TTC3: variants seen among roughly 807,000 people sequenced by gnomAD.
TTC3 encodes E3 ubiquitin-protein ligase TTC3.
A neutral mutation model predicts 249.6 loss-of-function variants in TTC3; 180 were observed. That is an observed-to-expected ratio of 0.72 (90% CI 0.64 to 0.82). The LOEUF (loss-of-function observed/expected upper bound fraction) is 0.82. TTC3 is among the 40% of genes least tolerant of loss of function. TTC3 has a pLI of 0.00. For missense variants in TTC3, 2,061 were observed against 2,398.4 expected (o/e 0.86, Z 2.94); for synonymous variants, 717 against 805.0 (o/e 0.89, Z 1.85).
At chr21:37,109,604 C>T (rs1238659992) in intron 11 of TTC3, among the ~76,000 whole-genome samples, 2 of 152,254 alleles carry the variant, frequency 1.3e-5, no homozygotes, top group Non-Finnish European at 2.9e-5. Context: ...TCAAGGAGGC[C>T]TGCCTGCCTC....
At chr21:37,098,167 GCTA>G in intron 10 of TTC3, 1 of 390,286 alleles carries the variant, frequency 2.6e-6, no homozygotes. Flanking sequence ...TTAGGTTATT[GCTA>G]CTGGCTAGGT....
intron 1 of TTC3, among the ~76,000 whole-genome samples, chr21:37,073,748 C>G (rs1188339557): frequency 3.3e-5 from 5 of 152,138 alleles, no homozygotes; most frequent in African/African-American, 7.2e-5. Flanking sequence ...GTCGCCTCGT[C>G]GCCCCTTTTG....
At chr21:37,148,859 C>T (rs2079208328) in intron 23 of TTC3, among the ~76,000 whole-genome samples, 1 of 152,164 alleles carries the variant, frequency 6.6e-6, no homozygotes, top group Admixed American at 6.5e-5. Flanking sequence ...ACGGATCTCA[C>T]TGTGTTGCCC....
At position 37,142,326 on chromosome 21, in the gene TTC3, T is replaced by C. The variant is rs990188787; in HGVS notation, c.1772+1653T>C. On this transcript the variant is annotated intron_variant, in intron 20 of 45. Transcript: ENST00000355666. ...AAGTCAAATTGTCCCTGTTTGCAGA[T>C]GACATGATTGTATATCTAGAAAACC... Among the ~76,000 whole-genome samples, 38 of 152,206 alleles carry C rather than the reference T, an allele frequency of 2.5e-4. 1 individual carries two copies. The highest frequency in any genetic ancestry group is 6.5e-5 in the Admixed American group (1 of 15,282).
chr21:37,097,188 G>A (rs2074026224), intron 10 of TTC3, among the ~76,000 whole-genome samples: 1 of 152,040 alleles, frequency 6.6e-6, no homozygotes, highest in South Asian at 2.1e-4. Context: ...ATTAATTCCA[G>A]TTCCTTATAT....
At chr21:37,130,436 A>G (rs2077379407) in intron 16 of TTC3, among the ~76,000 whole-genome samples, 1 of 152,130 alleles carries the variant, frequency 6.6e-6, no homozygotes, top group Non-Finnish European at 1.5e-5. Context: ...CACTTTTCCA[A>G]CTGAACACTC....
intron 44 of TTC3, among the ~76,000 whole-genome samples, chr21:37,198,908 A>G (rs1167896964): frequency 1.3e-5 from 2 of 151,770 alleles, no homozygotes; most frequent in South Asian, 2.1e-4. Context: ...TACTGTGCCC[A>G]TCTTTTCTAG....
At chr21:37,152,304 T>C (rs1432420690) in intron 26 of TTC3, among the ~76,000 whole-genome samples, 3 of 152,080 alleles carry the variant, frequency 2.0e-5, no homozygotes, top group Admixed American at 6.5e-5. Flanking sequence ...ATTTATTGTA[T>C]ATAAAGTTAA....
At chr21:37,190,849 C>T (rs2083999780) in intron 39 of TTC3, among the ~76,000 whole-genome samples, 1 of 152,160 alleles carries the variant, frequency 6.6e-6, no homozygotes, top group Non-Finnish European at 1.5e-5. Flanking sequence ...TTATCTGTCA[C>T]TTTCAATAGA....
intron 21 of TTC3, among the ~76,000 whole-genome samples, chr21:37,144,906 A>G (rs903535370): frequency 1.3e-5 from 2 of 152,200 alleles, no homozygotes; most frequent in Non-Finnish European, 2.9e-5. Context: ...TTTACAGATG[A>G]GGAAGGTTAA....
chr21:37,200,674 A>G (rs776271604), intron 45 of TTC3, among the ~76,000 whole-genome samples: 16 of 152,214 alleles, frequency 1.1e-4, no homozygotes, highest in Non-Finnish European at 2.2e-4. Context: ...AGTGTAGTAT[A>G]TGAAGTCAGT....
chr21:37,188,381 A>T (rs2083553009), intron 38 of TTC3, 114 bp from the exon 39 acceptor site: 2 of 695,260 alleles, frequency 2.9e-6, no homozygotes, highest in Admixed American at 2.6e-5. Context: ...TGATTCTGTC[A>T]TGCTTCATTT....
At position 37,080,368 on chromosome 21, in the gene TTC3, ATTT is replaced by A. The variant is rs33918132; in HGVS notation, c.-11-6868_-11-6866del. Among the ~76,000 whole-genome samples the A allele has an allele frequency of 7.9e-4, 114 of 144,490 alleles. 1 individual carries two copies. The highest frequency in any genetic ancestry group is 1.5e-3 in the African/African-American group (60 of 39,398). 94.8% of individuals were successfully genotyped at this position (144,490 alleles called of 152,430 possible). A position where few individuals can be genotyped will look rare whatever the true frequency, so the allele number is the denominator to read the frequency against. On this transcript the variant is annotated intron_variant, in intron 1 of 45. Coordinates refer to ENST00000355666, the Ensembl canonical transcript of TTC3. ...CCAGAGAATATTTTATCTTTTTAGCATTTTTTTTTTTTTGCCCTTGCTTTATGG... is the reference window on the plus strand; with the variant it reads ...CCAGAGAATATTTTATCTTTTTAGCATTTTTTTTTTGCCCTTGCTTTATGG...
intron 22 of TTC3, 25 bp downstream of exon 22, chr21:37,147,628 C>T (rs776940920): frequency 1.9e-6 from 3 of 1,561,864 alleles, no homozygotes; most frequent in African/African-American, 1.4e-5. Context: ...TACAGTGGGA[C>T]ATTAACTTGC....
intron 16 of TTC3, among the ~76,000 whole-genome samples, chr21:37,129,599 A>T (rs2077307823): frequency 6.6e-6 from 1 of 152,182 alleles, no homozygotes; most frequent in African/African-American, 2.4e-5. Context: ...AAACATCCCC[A>T]TGAAAATTAA....
chr21:37,073,415 C>T (rs1290541261), intron 1 of TTC3: 3 of 986,606 alleles, frequency 3.0e-6, no homozygotes, highest in Admixed American at 1.2e-4. Flanking sequence ...TCACCTTGTC[C>T]CGCTGCAGCC....
At chr21:37,195,366 A>G (rs2084768227) in intron 41 of TTC3, among the ~76,000 whole-genome samples, 2 of 152,242 alleles carry the variant, frequency 1.3e-5, no homozygotes, top group South Asian at 4.2e-4. Context: ...CAGAAGGGGA[A>G]AAGTGTAACC....
chr21:37,131,677 G>C (rs2077480295), intron 16 of TTC3, among the ~76,000 whole-genome samples: 1 of 152,154 alleles, frequency 6.6e-6, no homozygotes, highest in Non-Finnish European at 1.5e-5. Context: ...CTGAAGTGAG[G>C]GCAGTCTGGT....
chr21:37,114,979 C>T (rs1301537777), intron 11 of TTC3, among the ~76,000 whole-genome samples: 1 of 151,742 alleles, frequency 6.6e-6, no homozygotes, highest in African/African-American at 2.4e-5. Context: ...GGGAATTGAA[C>T]AATGAGAGCA....
Sources: gnomAD v4.1 joint callset for allele counts (sites outside exome capture counted in the v4.1 genomes callset) on GRCh38, gnomAD v4.1.1 for gene constraint, MANE v1.5 for transcripts, NCBI Gene and HGNC (gene_info 2026-07-23, HGNC 2026-07-21) for gene names.